Variants in ABCA3 observed in about 807,000 individuals in gnomAD.
ABCA3 encodes the protein ATP binding cassette subfamily A member 3.
A neutral mutation model predicts 172.8 loss-of-function variants in ABCA3; 88 were observed. That is an observed-to-expected ratio of 0.51 (90% CI 0.43 to 0.61). The LOEUF is 0.61. Ranked by LOEUF, ABCA3 falls within the 20% of genes least tolerant of loss-of-function variation. ABCA3 has a pLI of 0.00. For synonymous variants in ABCA3, 1,066 were observed against 983.8 expected (o/e 1.08, Z -1.56); for missense variants, 2,164 against 2,301.0 (o/e 0.94, Z 1.22).
rs1301229514 is a variant in ABCA3 at position 2,284,247 on chromosome 16, G to C, written c.3862+32C>G. 9 of 1,604,452 alleles carry C rather than the reference G, an allele frequency of 5.6e-6. No individual in the cohort carries two copies. The Admixed American group carries it at 8.4e-5, about 15-fold the overall frequency. On this transcript the variant is annotated intron_variant, in intron 25 of 32. Transcript: ENST00000301732. This position sits in a 1 kb window ranked among gnomAD's most constrained non-coding sequence, Gnocchi z 5.9. The stretch of plus-strand genomic sequence containing the variant: ...GTGACCACGTCCTGAGGACGCAGGG[G>C]TGCTGCCCGGGGTCGGGGCTGGGAC...
At chr16:2,292,080 A>G in intron 19 of ABCA3, 60 bp downstream of exon 19, 6 of 1,410,780 alleles carry the variant, frequency 4.3e-6, no homozygotes, top group Non-Finnish European at 6.0e-6. Flanking sequence ...TCTCAAAAAA[A>G]AAAAGTCCTC....
At chr16:2,331,058 T>C (rs562798746) in intron 1 of ABCA3, among the ~76,000 whole-genome samples, 1 of 152,258 alleles carries the variant, frequency 6.6e-6, no homozygotes, top group East Asian at 1.9e-4. Context: ...GTCTGTCTTC[T>C]AACTACTACA....
At chr16:2,317,848 G>C in intron 8 of ABCA3, 84 bp from the exon 9 acceptor site, 2 of 1,234,428 alleles carry the variant, frequency 1.6e-6, no homozygotes, top group Non-Finnish European at 1.2e-6. Context: ...CAGCAGGCCT[G>C]AGTCCGACTG....
chr16:2,295,031 G>T (rs188545836), intron 18 of ABCA3, among the ~76,000 whole-genome samples: 43 of 152,108 alleles, frequency 2.8e-4, no homozygotes, highest in Middle Eastern at 6.8e-3. Flanking sequence ...ATGTAAAATG[G>T]AAAAAAATCT....
chr16:2,277,551 C>T lies in ABCA3; in HGVS notation c.4983+46G>A. 1 of 1,601,598 alleles carries T rather than the reference C, an allele frequency of 6.2e-7. No individual in the cohort carries two copies. The highest frequency in any genetic ancestry group is 1.1e-5 in the South Asian group (1 of 90,316). Reference sequence around the variant, plus strand: ...GAGGGAGAGACCCCTGGAGGGACCTCCCCCTGCCCCATGAGTGCCCAGTGG... The same window carrying T: ...GAGGGAGAGACCCCTGGAGGGACCTTCCCCTGCCCCATGAGTGCCCAGTGG... On this transcript the variant is annotated intron_variant, in intron 32 of 32. Coordinates refer to ENST00000301732, the MANE Select transcript of ABCA3 (RefSeq NM_001089.3). The surrounding 1 kb of genome is among the most constrained non-coding windows in gnomAD (Gnocchi z 5.3).
intron 10 of ABCA3, among the ~76,000 whole-genome samples, chr16:2,316,003 TAAAAC>T (rs1372956407): frequency 1.3e-5 from 2 of 150,744 alleles, no homozygotes; most frequent in Admixed American, 1.3e-4. Context: ...TCTTTAATAA[TAAAAC>T]AAACTAGACA....
In ABCA3 at chr16:2,295,682, G is replaced by T; in HGVS notation, c.2322C>A (p.Ser774=). The T allele has an allele frequency of 6.2e-7, 1 of 1,614,076 alleles. No individual in the cohort carries two copies. The change falls in exon 18 of 33, where the codon TCC becomes TCA. Residue 774 remains serine (S), a synonymous_variant. Coordinates refer to ENST00000301732, the MANE Select transcript of ABCA3 (RefSeq NM_001089.3). ...KEPHCNPEDI[S]QLVHHHVPNA... is the part of the protein sequence containing the mutation. Reference sequence around the variant, plus strand: ...TGGGCACGTGGTGGTGGACCAGCTGGGAGATGTCTTCCGGGTTGCAGTGCG... The same window carrying T: ...TGGGCACGTGGTGGTGGACCAGCTGTGAGATGTCTTCCGGGTTGCAGTGCG...
At chr16:2,335,810 C>A (rs548984420) in intron 1 of ABCA3, among the ~76,000 whole-genome samples, 1 of 152,116 alleles carries the variant, frequency 6.6e-6, no homozygotes, top group African/African-American at 2.4e-5. Flanking sequence ...CCTTAAATAG[C>A]GAAAGCTTTA....
intron 8 of ABCA3, among the ~76,000 whole-genome samples, 199 bp from the exon 9 acceptor site, chr16:2,317,963 T>C (rs1318928459): frequency 6.6e-6 from 1 of 152,246 alleles, no homozygotes; most frequent in Non-Finnish European, 1.5e-5. Context: ...CCCAAAGTGC[T>C]GGAATTATAG....
chr16:2,333,805 C>A (rs1567357675), intron 1 of ABCA3, among the ~76,000 whole-genome samples: 1 of 151,888 alleles, frequency 6.6e-6, no homozygotes. Context: ...TCTGCTGCCT[C>A]AGCCTCCTGA....
chr16:2,307,001 TGA>T (rs2093698800), intron 11 of ABCA3, among the ~76,000 whole-genome samples: 1 of 110,322 alleles, frequency 9.1e-6, no homozygotes, highest in Non-Finnish European at 1.7e-5. Context: ...GGTGAAAGAG[TGA>T]GAGACTCCGT....
rs751311000 is a variant in ABCA3, at chr16:2,277,555, C to T, written c.4983+42G>A. The T allele has an allele frequency of 3.3e-5, 53 of 1,605,024 alleles. 1 individual carries two copies. Among genetic ancestry groups the T allele is most frequent in the South Asian group, 1.9e-4 (17 of 90,512 alleles). The stretch of plus-strand genomic sequence containing the variant: ...GAGAGACCCCTGGAGGGACCTCCCC[C>T]TGCCCCATGAGTGCCCAGTGGGGCC... On this transcript the variant is annotated intron_variant, in intron 32 of 32. Transcript: ENST00000301732. The surrounding 1 kb of genome is among the most constrained non-coding windows in gnomAD (Gnocchi z 5.3).
intron 1 of ABCA3, chr16:2,332,567 A>G: frequency 1.6e-6 from 2 of 1,255,182 alleles, no homozygotes; most frequent in Non-Finnish European, 2.3e-6. Context: ...ACACCAGCAA[A>G]TCGCTCCTTG....
chr16:2,284,512 C>A lies in ABCA3; in HGVS notation c.3704-75G>T. ...ACCTCCAGGACGGGCCTGGTCAGGGCGGGCACAGGGCCTTATCCGTGCTGT... is the reference window on the plus strand; with the variant it reads ...ACCTCCAGGACGGGCCTGGTCAGGGAGGGCACAGGGCCTTATCCGTGCTGT... On this transcript the variant is annotated intron_variant, in intron 24 of 32. Transcript: ENST00000301732. This position sits in a 1 kb window ranked among gnomAD's most constrained non-coding sequence, Gnocchi z 5.9. 6.3e-7 allele frequency: 1 copy of A among 1,585,558 alleles called. No homozygotes were observed. The highest frequency in any genetic ancestry group is 2.2e-5 in the East Asian group (1 of 44,714).
rs766967912 is a variant in ABCA3 at position 2,285,660 on chromosome 16, A to G, written c.3279-14T>C. 1.3e-6 allele frequency: 2 copies of G among 1,551,294 alleles called. No homozygotes were observed. Among genetic ancestry groups the G allele is most frequent in the Non-Finnish European group, 1.7e-6 (2 of 1,147,050 alleles). ...CCCTTCCGGCCCCTGCGGGGGACAG[A>G]GAAGGTCAGGGACGGAGCACAGCAC... On this transcript the variant is annotated splice_polypyrimidine_tract_variant and intron_variant, in intron 22 of 32. Transcript: ENST00000301732. This position sits in a 1 kb window ranked among gnomAD's most constrained non-coding sequence, Gnocchi z 4.7.
chr16:2,290,018 CCCG>C (rs2093669607), intron 19 of ABCA3, among the ~76,000 whole-genome samples: 1 of 150,438 alleles, frequency 6.6e-6, no homozygotes, highest in Non-Finnish European at 1.5e-5. Context: ...CCTAGAGCTC[CCCG>C]CCGATTAGGA....
At chr16:2,302,193 C>T (rs959806182) in intron 12 of ABCA3, among the ~76,000 whole-genome samples, 2 of 152,166 alleles carry the variant, frequency 1.3e-5, no homozygotes, top group Non-Finnish European at 2.9e-5. Context: ...GCTCTGAAGG[C>T]TGTGAGACCC....
Position 2,291,713 on chromosome 16 carries a change from G to A in ABCA3, c.2513+427C>T, listed in dbSNP as rs559253408. 6.5e-4 allele frequency among the ~76,000 whole-genome samples: 99 copies of A among 152,204 alleles called. 1 individual carries two copies. The highest frequency in any genetic ancestry group is 1.4e-3 in the Admixed American group (22 of 15,274). On this transcript the variant is annotated intron_variant, in intron 19 of 32. Coordinates refer to ENST00000301732, the MANE Select transcript of ABCA3 (RefSeq NM_001089.3). ...GCGGCCACTGCCCGCCCCACCCCAGGCTGTTCCTCCAGCCTCACGTGGGCA... is the reference window on the plus strand; with the variant it reads ...GCGGCCACTGCCCGCCCCACCCCAGACTGTTCCTCCAGCCTCACGTGGGCA...
intron 14 of ABCA3, among the ~76,000 whole-genome samples, chr16:2,298,836 A>G (rs992889774): frequency 2.0e-5 from 3 of 152,182 alleles, no homozygotes; most frequent in Middle Eastern, 3.2e-3. Flanking sequence ...AGCCTGTGCC[A>G]CTGCCAGACA....
Sources: gnomAD v4.1 joint callset for allele counts (sites outside exome capture counted in the v4.1 genomes callset) on GRCh38, gnomAD v4.1.1 for gene constraint, Gnocchi (gnomAD v3.1) non-coding constraint, MANE v1.5 for transcripts, NCBI Gene and HGNC (gene_info 2026-07-23, HGNC 2026-07-21) for gene names.